SIPA1L3: variants seen among roughly 807,000 people sequenced by gnomAD.
SIPA1L3 encodes the protein signal-induced proliferation-associated 1-like protein 3.
SIPA1L3 carries 59 observed loss-of-function variants against 150.1 expected under a neutral mutation model. That is an observed-to-expected ratio of 0.39 (90% CI 0.32 to 0.49). The LOEUF (loss-of-function observed/expected upper bound fraction) is 0.49. Ranked by LOEUF, SIPA1L3 falls within the 20% of genes least tolerant of loss-of-function variation. The probability of loss-of-function intolerance (pLI) is 0.86; values close to 1 mark genes in which losing one functional copy is unlikely to be tolerated. For synonymous variants in SIPA1L3, 1,070 were observed against 1,077.6 expected (o/e 0.99, Z 0.14); for missense variants, 2,211 against 2,489.5 (o/e 0.89, Z 2.38).
At chr19:38,141,140 T>G in intron 10 of SIPA1L3, 44 bp from the exon 11 acceptor site, 1 of 1,517,184 alleles carries the variant, frequency 6.6e-7, no homozygotes, top group Non-Finnish European at 8.8e-7. Flanking sequence ...GCCCACGTGT[T>G]GGTGGGCTGG....
chr19:38,183,084 C>T (rs987100298), intron 16 of SIPA1L3: 18 of 242,514 alleles, frequency 7.4e-5, no homozygotes, highest in South Asian at 6.2e-4. Flanking sequence ...GTGGGCAGGC[C>T]GGGGTGGCTG....
intron 1 of SIPA1L3, among the ~76,000 whole-genome samples, chr19:38,003,592 A>G (rs962600712): frequency 2.6e-5 from 4 of 152,112 alleles, no homozygotes; most frequent in African/African-American, 9.7e-5. Flanking sequence ...CCAGCTGTAA[A>G]TACAGACGTG....
intron 1 of SIPA1L3, among the ~76,000 whole-genome samples, chr19:37,945,060 G>A (rs1164124004): frequency 6.6e-6 from 1 of 152,112 alleles, no homozygotes; most frequent in East Asian, 1.9e-4. Flanking sequence ...GCTTATAGTT[G>A]GGGAAAAATA....
intron 6 of SIPA1L3, among the ~76,000 whole-genome samples, chr19:38,103,231 G>A (rs889200912): frequency 6.6e-6 from 1 of 152,076 alleles, no homozygotes; most frequent in South Asian, 2.1e-4. Flanking sequence ...CGGTGCTCAC[G>A]TTAGAGTGTG....
chr19:37,985,581 A>AG (rs1230042530), intron 1 of SIPA1L3, among the ~76,000 whole-genome samples: 3 of 152,186 alleles, frequency 2.0e-5, no homozygotes, highest in Non-Finnish European at 4.4e-5. Context: ...GGGATGAGGA[A>AG]GGGGTCTGTC....
chr19:38,017,086 G>A (rs942037693), intron 1 of SIPA1L3, among the ~76,000 whole-genome samples: 4 of 150,510 alleles, frequency 2.7e-5, no homozygotes, highest in Admixed American at 6.6e-5. Context: ...TGATAGAGAC[G>A]GGGTTTCACC....
intron 1 of SIPA1L3, among the ~76,000 whole-genome samples, chr19:38,025,647 G>A (rs1968492689): frequency 6.6e-6 from 1 of 152,222 alleles, no homozygotes; most frequent in South Asian, 2.1e-4. Flanking sequence ...AATTAGAGTG[G>A]CGGGAAAGCA....
In SIPA1L3 at chr19:38,005,464, A is replaced by C. The variant is rs552452106; in HGVS notation, c.-378-23625A>C. On this transcript the variant is annotated intron_variant, in intron 1 of 21. Coordinates refer to ENST00000222345, the MANE Select transcript of SIPA1L3 (RefSeq NM_015073.3). ...CCTGGGCTGCTTTCTTGGTTCTCCC[A>C]CCGTGCTGCCCACTACCCCTGCCCT... Among the ~76,000 whole-genome samples the C allele has an allele frequency of 3.3e-5, 5 of 151,878 alleles. No homozygotes were observed. In the South Asian group the frequency reaches 6.2e-4, roughly 19 times the overall value.
chr19:38,106,566 A>G lies in SIPA1L3; in HGVS notation c.2059A>G (p.Thr687Ala). Reference sequence around the variant, plus strand: ...CTCCACGGGAACCCACTCCCTCTACACGATGTACCAGGACTACGAGATCAT... The same window carrying G: ...CTCCACGGGAACCCACTCCCTCTACGCGATGTACCAGGACTACGAGATCAT... Reference protein sequence around the residue: ...TDSTGTHSLYTMYQDYEIMFH... With the variant: ...TDSTGTHSLYAMYQDYEIMFH... Residue 687 changes from threonine (T) to alanine (A), a missense_variant, in exon 7 of 22, where the codon ACG (threonine) becomes GCG (alanine). Transcript: ENST00000222345. 6.2e-7 allele frequency: 1 copy of G among 1,613,982 alleles called. No individual in the cohort carries two copies. The highest frequency in any genetic ancestry group is 8.5e-7 in the Non-Finnish European group (1 of 1,179,858).
intron 1 of SIPA1L3, among the ~76,000 whole-genome samples, chr19:38,005,349 C>G (rs1287406856): frequency 2.0e-5 from 3 of 152,078 alleles, no homozygotes; most frequent in African/African-American, 7.2e-5. Context: ...GCCACCCGCC[C>G]CCACTCCCGC....
chr19:37,984,734 A>G (rs541295322), intron 1 of SIPA1L3, among the ~76,000 whole-genome samples: 2 of 152,314 alleles, frequency 1.3e-5, no homozygotes, highest in South Asian at 2.1e-4. Flanking sequence ...GGTGTCATAA[A>G]CGTTAATGAC....
At chr19:38,143,058 G>A (rs1166836262) in intron 12 of SIPA1L3, among the ~76,000 whole-genome samples, 2 of 152,124 alleles carry the variant, frequency 1.3e-5, no homozygotes, top group Non-Finnish European at 2.9e-5. Context: ...CAGTTTTCGA[G>A]ATCTTTCAGG....
chr19:38,123,922 G>A (rs1012318755), intron 9 of SIPA1L3, among the ~76,000 whole-genome samples: 1 of 146,474 alleles, frequency 6.8e-6, no homozygotes, highest in African/African-American at 2.6e-5. Context: ...GGGGCGGCCG[G>A]GCAGAGGCGC....
In SIPA1L3 at chr19:38,164,820, G is replaced by C. The variant is rs1972173096; in HGVS notation, c.4122G>C (p.Lys1374Asn). The change falls in exon 15 of 22, where the codon AAG (lysine) becomes AAC (asparagine). Residue 1374 changes from lysine (K) to asparagine (N), a missense_variant. Lys to Asn is a moderately conservative substitution (Grantham distance 94). Around this residue, in one of 5 missense-constraint regions of SIPA1L3, gnomAD observed 806 missense variants for 870.1 expected, o/e 0.93. Coordinates refer to ENST00000222345, the MANE Select transcript of SIPA1L3 (RefSeq NM_015073.3). This position sits in a 1 kb window ranked among gnomAD's most constrained non-coding sequence, Gnocchi z 4.1. Reference protein sequence around the residue: ...SPAPAVAGQSKGYRPKLYSSG... With the variant: ...SPAPAVAGQSNGYRPKLYSSG... ...CCCCCGCAGTTGCCGGCCAAAGCAA[G>C]GGCTACCGACCGAAGCTGTACTCCT... is the stretch of plus-strand genomic sequence containing the variant. 6.2e-7 allele frequency: 1 copy of C among 1,610,754 alleles called. No homozygotes were observed. The highest frequency in any genetic ancestry group is 1.3e-5 in the African/African-American group (1 of 74,904).
intron 1 of SIPA1L3, among the ~76,000 whole-genome samples, chr19:37,927,897 G>GTAGGA (rs1194518518): frequency 1.3e-4 from 20 of 152,250 alleles, no homozygotes; most frequent in African/African-American, 4.3e-4. Context: ...TAATGGCTGT[G>GTAGGA]TAGTATTCCA....
rs377665594 is a variant in SIPA1L3, at chr19:38,098,463, T to C, written c.1666-1499T>C. Among the ~76,000 whole-genome samples the C allele has an allele frequency of 4.0e-5, 6 of 150,596 alleles. No homozygotes were observed. In the South Asian group the frequency reaches 1.3e-3, roughly 32 times the overall value. On this transcript the variant is annotated intron_variant, in intron 4 of 21. Transcript: ENST00000222345. Reference sequence around the variant, plus strand: ...GGGCTGGAGTGCAATGGCACAATCTTGGCTCACTGCAACCTCCGCCTCCCA... The same window carrying C: ...GGGCTGGAGTGCAATGGCACAATCTCGGCTCACTGCAACCTCCGCCTCCCA...
rs1336869913 is a variant in SIPA1L3, at chr19:38,059,337, C to T, written c.-310-21919C>T. 9.2e-5 allele frequency among the ~76,000 whole-genome samples: 11 copies of T among 120,132 alleles called. No individual in the cohort carries two copies. The East Asian group carries it at 2.1e-3, about 23-fold the overall frequency. The allele number at this position is 120,132 out of a possible 152,430, so 78.8% of individuals were successfully genotyped here. A position where few individuals can be genotyped will look rare whatever the true frequency, so the allele number is the denominator to read the frequency against. On this transcript the variant is annotated intron_variant, in intron 2 of 21. Transcript: ENST00000222345. ...TTTTTTTTTTTTTTTTTTTTTGAGA[C>T]GGAGTCTCGCTCTGTTGCCCAGGCT...
At chr19:38,162,641 G>A (rs1482861995) in intron 14 of SIPA1L3, among the ~76,000 whole-genome samples, 1 of 152,220 alleles carries the variant, frequency 6.6e-6, no homozygotes, top group East Asian at 1.9e-4. Flanking sequence ...GTAACAGACA[G>A]CCCCGAATCT....
At chr19:37,947,133 A>T (rs2046718883) in intron 1 of SIPA1L3, among the ~76,000 whole-genome samples, 2 of 151,496 alleles carry the variant, frequency 1.3e-5, no homozygotes, top group Admixed American at 6.6e-5. Context: ...GTTCAAGATT[A>T]TAGTGAGCTG....
Sources: allele counts gnomAD v4.1 joint callset (sites outside exome capture counted in the v4.1 genomes callset), GRCh38; gene constraint gnomAD v4.1.1; regional missense constraint gnomAD v4.1.1; non-coding constraint Gnocchi (gnomAD v3.1); transcripts MANE v1.5; gene names NCBI Gene and HGNC (gene_info 2026-07-23, HGNC 2026-07-21).